The following SMYD3 variants were observed in gnomAD, a reference collection of about 807,000 sequenced individuals.
SMYD3 encodes histone-lysine N-methyltransferase SMYD3.
SMYD3 carries 36 observed loss-of-function variants against 57.7 expected under a neutral mutation model. The observed-to-expected ratio is 0.62, with a 90% CI of 0.48 to 0.82. The LOEUF is 0.82. Among genes scored for constraint, SMYD3 ranks in the 40% least tolerant of loss-of-function variants. The probability of loss-of-function intolerance (pLI) is 0.00; values close to 1 mark genes in which losing one functional copy is unlikely to be tolerated. For synonymous variants in SMYD3, 211 were observed against 195.0 expected (o/e 1.08, Z -0.68); for missense variants, 515 against 538.8 (o/e 0.96, Z 0.44).
rs112877805 is a variant in SMYD3 at position 245,880,042 on chromosome 1, G to A, written c.814-16156C>T. ...TACACACCAGAGATAGCACAGGTGC[G>A]TTGCTGTACACGCCAGAGATAGCAC... On this transcript the variant is annotated intron_variant, in intron 8 of 11. Transcript: ENST00000490107. Among the ~76,000 whole-genome samples, 233 of 150,644 alleles carry A rather than the reference G, an allele frequency of 1.5e-3. 1 individual carries two copies. Among genetic ancestry groups the A allele is most frequent in the African/African-American group, 5.5e-3 (223 of 40,630 alleles).
intron 5 of SMYD3, among the ~76,000 whole-genome samples, chr1:246,232,949 A>G (rs1310000120): frequency 1.5e-5 from 2 of 137,072 alleles, no homozygotes; most frequent in African/African-American, 2.7e-5. Flanking sequence ...ACAGAGGAGA[A>G]GCACTCCTCA....
chr1:246,045,652 G>A (rs984561788), intron 5 of SMYD3, among the ~76,000 whole-genome samples: 27 of 152,216 alleles, frequency 1.8e-4, no homozygotes, highest in Admixed American at 1.8e-3. Context: ...AAACTAAAGA[G>A]CTTCTGCACA....
intron 5 of SMYD3, among the ~76,000 whole-genome samples, chr1:246,175,565 C>T (rs2062418264): frequency 6.6e-6 from 1 of 152,200 alleles, no homozygotes; most frequent in African/African-American, 2.4e-5. Flanking sequence ...TACTTTCCAT[C>T]ACAGATCTGG....
chr1:245,987,246 C>T (rs192801562), intron 5 of SMYD3, among the ~76,000 whole-genome samples: 6 of 152,300 alleles, frequency 3.9e-5, no homozygotes, highest in African/African-American at 1.4e-4. Context: ...AGGACTTAAA[C>T]AAGGATGGGA....
chr1:245,807,262 T>G (rs148324851), intron 10 of SMYD3, among the ~76,000 whole-genome samples: 22 of 152,162 alleles, frequency 1.4e-4, no homozygotes, highest in African/African-American at 5.3e-4. Flanking sequence ...TCTGGGGCCA[T>G]CAGCCTCAGG....
intron 1 of SMYD3, among the ~76,000 whole-genome samples, chr1:246,500,732 T>C (rs10924751): frequency 0.14 from 20,762 of 152,198 alleles, 1,684 homozygotes; most frequent in Non-Finnish European, 0.18. Context: ...CTTGAGCCTT[T>C]TGAGCAAGCA....
At chr1:245,897,941 T>A (rs1260623258) in intron 8 of SMYD3, among the ~76,000 whole-genome samples, 1 of 152,090 alleles carries the variant, frequency 6.6e-6, no homozygotes, top group African/African-American at 2.4e-5. Flanking sequence ...TGAAGAATAT[T>A]ATAGAAATCA....
chr1:245,800,938 G>T (rs1414597399), intron 10 of SMYD3, among the ~76,000 whole-genome samples: 1 of 152,170 alleles, frequency 6.6e-6, no homozygotes, highest in Non-Finnish European at 1.5e-5. Flanking sequence ...TGTGTAGAAT[G>T]AATTTTATAC....
intron 1 of SMYD3, among the ~76,000 whole-genome samples, chr1:246,363,499 A>G (rs9701564): frequency 0.47 from 71,199 of 151,564 alleles, 17,387 homozygotes; most frequent in East Asian, 0.81. Context: ...GTGGGGAAAA[A>G]ACTGAGAAAT....
intron 5 of SMYD3, among the ~76,000 whole-genome samples, chr1:245,948,078 G>C (rs1355460085): frequency 1.3e-5 from 2 of 152,098 alleles, no homozygotes; most frequent in East Asian, 1.9e-4. Context: ...TCGGTACTCA[G>C]AATCTTCATG....
chr1:245,811,936 C>T (rs1248123887), intron 10 of SMYD3, among the ~76,000 whole-genome samples: 1 of 152,148 alleles, frequency 6.6e-6, no homozygotes, highest in Non-Finnish European at 1.5e-5. Context: ...GGTCTGTGTC[C>T]ACTCCGAAGC....
chr1:245,987,719 G>A (rs1405923449), intron 5 of SMYD3, among the ~76,000 whole-genome samples: 1 of 152,196 alleles, frequency 6.6e-6, no homozygotes, highest in Non-Finnish European at 1.5e-5. Context: ...TCTGAACTCA[G>A]TCTTTCTGAT....
intron 5 of SMYD3, among the ~76,000 whole-genome samples, chr1:246,123,613 C>G (rs1235015143): frequency 2.0e-5 from 3 of 146,870 alleles, no homozygotes; most frequent in African/African-American, 7.7e-5. Flanking sequence ...CACACACACA[C>G]ACACACAAAT....
chr1:246,329,865 T>C (rs939487552), intron 4 of SMYD3, among the ~76,000 whole-genome samples: 2 of 152,228 alleles, frequency 1.3e-5, no homozygotes, highest in African/African-American at 4.8e-5. Context: ...GTATGTGCCC[T>C]GGCTAGTTTT....
chr1:246,088,282 T>C (rs1195281005), intron 5 of SMYD3, among the ~76,000 whole-genome samples: 1 of 151,774 alleles, frequency 6.6e-6, no homozygotes, highest in Non-Finnish European at 1.5e-5. Flanking sequence ...TCTTTCTTTC[T>C]CTCTCTCTCT....
At chr1:245,896,389 C>A (rs374246536) in intron 8 of SMYD3, among the ~76,000 whole-genome samples, 372 of 73,652 alleles carry the variant, frequency 5.1e-3, no homozygotes, top group Middle Eastern at 8.5e-3. Flanking sequence ...TTTGCCAAGT[C>A]AAAAAAAAAA....
At chr1:246,097,132 CAAAG>C (rs1159951826) in intron 5 of SMYD3, among the ~76,000 whole-genome samples, 1 of 152,152 alleles carries the variant, frequency 6.6e-6, no homozygotes, top group Non-Finnish European at 1.5e-5. Context: ...GTTGTTCAGA[CAAAG>C]AAACGTCATT....
chr1:246,371,381 G>A (rs1049303483), intron 1 of SMYD3, among the ~76,000 whole-genome samples: 12 of 152,212 alleles, frequency 7.9e-5, no homozygotes, highest in South Asian at 4.1e-4. Context: ...AACAACACCC[G>A]TCCCTAAATA....
chr1:246,259,430 C>T (rs2063959158), intron 5 of SMYD3, among the ~76,000 whole-genome samples: 1 of 152,034 alleles, frequency 6.6e-6, no homozygotes, highest in African/African-American at 2.4e-5. Flanking sequence ...CCTTCTCTTT[C>T]CCTTTCCCCT....
Sources: allele counts gnomAD v4.1 joint callset (sites outside exome capture counted in the v4.1 genomes callset), GRCh38; gene constraint gnomAD v4.1.1; transcripts MANE v1.5; gene names NCBI Gene and HGNC (gene_info 2026-07-23, HGNC 2026-07-21).